ARHGEF10L: variants seen among roughly 807,000 people sequenced by gnomAD.
The protein encoded by ARHGEF10L is Rho guanine nucleotide exchange factor 10 like.
Under a neutral mutation model 141.2 loss-of-function variants are expected in ARHGEF10L, and 69 were observed. The ratio of observed to expected loss-of-function variants is 0.49; its 90% CI spans 0.40 to 0.60. The LOEUF (loss-of-function observed/expected upper bound fraction) is 0.60, where lower values mean the gene tolerates loss of function less well. Among genes scored for constraint, ARHGEF10L ranks in the 20% least tolerant of loss-of-function variants. ARHGEF10L has a pLI of 0.00. For missense variants in ARHGEF10L, 1,482 were observed against 1,734.3 expected (o/e 0.85, Z 2.58); for synonymous variants, 711 against 718.5 (o/e 0.99, Z 0.17).
upstream of ARHGEF10L, among the ~76,000 whole-genome samples, chr1:17,537,680 T>C (rs1442303299): frequency 6.6e-6 from 1 of 151,980 alleles, no homozygotes; most frequent in African/African-American, 2.4e-5. Context: ...AGGGGCATCC[T>C]GAGCTGGAGG....
Position 17,613,102 on chromosome 1 carries a change from T to G in ARHGEF10L, c.654T>G (p.Thr218=). 6.2e-7 allele frequency: 1 copy of G among 1,614,118 alleles called. No individual in the cohort carries two copies. The highest frequency in any genetic ancestry group is 1.1e-5 in the South Asian group (1 of 91,052). The part of the protein sequence containing the change: ...LTRLKERYAR[T]KRDILALRVG... ...GGCTAAAGGAGAGATACGCCAGGAC[T>G]AAGAGAGACATCTTGGCTTTGAGAG... Residue 218 remains threonine (T), a synonymous_variant, in exon 8 of 29, where the codon ACT becomes ACG. Transcript: ENST00000361221.
At position 17,635,004 on chromosome 1, in the gene ARHGEF10L, G is replaced by T; in HGVS notation, c.1915G>T (p.Gly639Trp). The change falls in exon 18 of 29, where the codon GGG (glycine) becomes TGG (tryptophan). Residue 639 changes from glycine (G) to tryptophan (W), a missense_variant. Gly to Trp is a radical substitution (Grantham distance 184). Coordinates refer to ENST00000361221, the MANE Select transcript of ARHGEF10L (RefSeq NM_018125.4). The stretch of plus-strand genomic sequence containing the variant: ...AGGCGCCAAGAAGGCCTCTGCCTCA[G>T]GGCAGGCTCAGAGTGAGTACCCCCT... The part of the protein sequence containing the change: ...HSGAKKASAS[G>W]QAQNKVYLGP... The T allele has an allele frequency of 6.2e-7, 1 of 1,614,038 alleles. No individual in the cohort carries two copies. The highest frequency in any genetic ancestry group is 2.2e-5 in the East Asian group (1 of 44,878).
rs1571226291 is a variant in ARHGEF10L at position 17,646,388 on chromosome 1, C to CTG, written c.2273-2165_2273-2164dup. Among the ~76,000 whole-genome samples the CTG allele has an allele frequency of 3.9e-5, 6 of 152,300 alleles. No homozygotes were observed. The South Asian group carries it at 1.2e-3, about 32-fold the overall frequency. On this transcript the variant is annotated intron_variant, in intron 21 of 28. Coordinates refer to ENST00000361221, the MANE Select transcript of ARHGEF10L (RefSeq NM_018125.4). ...CATGTCGTGGGTACATCTGACAAAC[C>CTG]TGGAAAATGAGGCTCTGAGAAAAGA...
chr1:17,622,852 G>A, intron 11 of ARHGEF10L, 144 bp from the exon 12 acceptor site: 1 of 787,304 alleles, frequency 1.3e-6, no homozygotes, highest in East Asian at 2.7e-5. Context: ...GATCCTTCCG[G>A]AAGGACGCAT....
chr1:17,552,801 C>G (rs1382619948), intron 1 of ARHGEF10L, among the ~76,000 whole-genome samples: 1 of 152,012 alleles, frequency 6.6e-6, no homozygotes, highest in Non-Finnish European at 1.5e-5. Context: ...AGCTAAGGAA[C>G]AGAAAGGGTA....
At chr1:17,685,822 C>T (rs1005388271) in intron 26 of ARHGEF10L, among the ~76,000 whole-genome samples, 1 of 152,242 alleles carries the variant, frequency 6.6e-6, no homozygotes, top group African/African-American at 2.4e-5. Flanking sequence ...AAACTGAGGC[C>T]TGGGCCTGTG....
intron 4 of ARHGEF10L, among the ~76,000 whole-genome samples, chr1:17,590,608 G>A (rs1033916828): frequency 1.3e-5 from 2 of 152,158 alleles, no homozygotes; most frequent in Non-Finnish European, 2.9e-5. Context: ...CAGGCACGGG[G>A]TGAGTGCCAA....
chr1:17,616,253 TC>T, intron 9 of ARHGEF10L, 51 bp downstream of exon 9: 6 of 865,200 alleles, frequency 6.9e-6, no homozygotes, highest in South Asian at 1.3e-5. Context: ...TGACTGGGGG[TC>T]GGGGAGGGTG....
At chr1:17,553,802 AT>A (rs1315807644) in intron 1 of ARHGEF10L, among the ~76,000 whole-genome samples, 3 of 152,174 alleles carry the variant, frequency 2.0e-5, no homozygotes, top group African/African-American at 7.2e-5. Context: ...AAAATAAAAA[AT>A]ATATAGCTTA....
At chr1:17,515,801 C>G in the ARHGEF10L span, among the ~76,000 whole-genome samples, 4 of 152,272 alleles carry the variant, frequency 2.6e-5, no homozygotes, top group African/African-American at 7.2e-5. Context: ...CACCACCATG[C>G]CTGGCTAACT....
In ARHGEF10L at chr1:17,644,594, G is replaced by C. The variant is rs369281928; in HGVS notation, c.2273-3960G>C. On this transcript the variant is annotated intron_variant, in intron 21 of 28. Transcript: ENST00000361221. The surrounding 1 kb of genome is among the most constrained non-coding windows in gnomAD (Gnocchi z 4.5). Reference sequence around the variant, plus strand: ...CCAGCCCAGCCTGACATCTGTGGCTGTGGCCAGCAGCATCTCCATGGTGCT... The same window carrying C: ...CCAGCCCAGCCTGACATCTGTGGCTCTGGCCAGCAGCATCTCCATGGTGCT... 2.0e-5 allele frequency among the ~76,000 whole-genome samples: 3 copies of C among 152,236 alleles called. No homozygotes were observed. Among genetic ancestry groups the C allele is most frequent in the African/African-American group, 4.8e-5 (2 of 41,450 alleles).
intron 26 of ARHGEF10L, among the ~76,000 whole-genome samples, chr1:17,672,567 T>C (rs1363157594): frequency 6.6e-6 from 1 of 152,166 alleles, no homozygotes; most frequent in Non-Finnish European, 1.5e-5. Context: ...CAGTTTGTCT[T>C]AATTTTTTTT....
intron 2 of ARHGEF10L, among the ~76,000 whole-genome samples, chr1:17,584,848 C>T (rs985161114): frequency 3.4e-5 from 5 of 149,238 alleles, no homozygotes; most frequent in African/African-American, 1.3e-4. Context: ...CACATGTGCA[C>T]GTGTGCGTGC....
chr1:17,626,223 AC>A lies in ARHGEF10L; in HGVS notation c.1410+176del, dbSNP rs527767334. Among the ~76,000 whole-genome samples, 342 of 152,186 alleles carry A rather than the reference AC, an allele frequency of 2.2e-3. 2 individuals are homozygous for A. The highest frequency in any genetic ancestry group is 7.9e-3 in the African/African-American group (326 of 41,518). On this transcript the variant is annotated intron_variant, in intron 14 of 28. Coordinates refer to ENST00000361221, the MANE Select transcript of ARHGEF10L (RefSeq NM_018125.4). ...CACTTCTAGAGTGAAATTGATTGTA[AC>A]TGACAGCTCAGTTTGCACGCCCCTC...
chr1:17,522,417 C>A, the ARHGEF10L span, among the ~76,000 whole-genome samples: 43 of 152,214 alleles, frequency 2.8e-4, 1 homozygote, highest in African/African-American at 1.0e-3. Context: ...GGCTCAGAGA[C>A]GTCAGGTGAG....
chr1:17,681,416 G>A lies in ARHGEF10L; in HGVS notation c.3010-6157G>A, dbSNP rs1465123429. Among the ~76,000 whole-genome samples the A allele has an allele frequency of 1.3e-5, 2 of 152,226 alleles. 1 individual carries two copies. Among genetic ancestry groups the A allele is most frequent in the Admixed American group, 1.3e-4 (2 of 15,282 alleles). On this transcript the variant is annotated intron_variant, in intron 26 of 28. Transcript: ENST00000361221. The stretch of plus-strand genomic sequence containing the variant: ...GAGCTACTCCCCCAAATGCCATCCA[G>A]GATCCAGCCTGAAATCACAGGCAGC...
Position 17,640,031 on chromosome 1 carries a change from G to A in ARHGEF10L, c.2172-171G>A, listed in dbSNP as rs560949355. ...GGGCGGAGGGATTCCTCCCCCAGGGGACCGAGGCTTTGCCAAGCCACTGAC... is the reference window on the plus strand; with the variant it reads ...GGGCGGAGGGATTCCTCCCCCAGGGAACCGAGGCTTTGCCAAGCCACTGAC... On this transcript the variant is annotated intron_variant, in intron 20 of 28. Coordinates refer to ENST00000361221, the MANE Select transcript of ARHGEF10L (RefSeq NM_018125.4). 1.9e-5 allele frequency: 28 copies of A among 1,469,668 alleles called. 1 individual carries two copies. In the East Asian group the frequency reaches 2.7e-4, roughly 14 times the overall value. 91.0% of individuals were successfully genotyped at this position (1,469,668 alleles called of 1,614,324 possible). A position where few individuals can be genotyped will look rare whatever the true frequency, so the allele number is the denominator to read the frequency against.
At position 17,539,791 on chromosome 1, in the gene ARHGEF10L, C is replaced by A. The variant is rs1181002416; in HGVS notation, c.-203C>A. On this transcript the variant is annotated 5_prime_UTR_variant, in exon 1 of 29. Transcript: ENST00000361221. The surrounding 1 kb of genome is among the most constrained non-coding windows in gnomAD (Gnocchi z 6.0). ...GGCCCGGACCTCGCGGGCGGGCGGG[C>A]GGCGCGGCCATTGGCTCGGGTGGCG... 1 of 145,586 alleles carries A rather than the reference C, an allele frequency of 6.9e-6. No homozygotes were observed. Among genetic ancestry groups the A allele is most frequent in the Non-Finnish European group, 1.5e-5 (1 of 65,424 alleles). 9.0% of individuals were successfully genotyped at this position (145,586 alleles called of 1,614,324 possible).
chr1:17,673,768 C>T lies in ARHGEF10L; in HGVS notation c.3009+9173C>T, dbSNP rs959630008. Among the ~76,000 whole-genome samples, 7 of 152,144 alleles carry T rather than the reference C, an allele frequency of 4.6e-5. No individual in the cohort carries two copies. Among genetic ancestry groups the T allele is most frequent in the Non-Finnish European group, 7.4e-5 (5 of 68,020 alleles). On this transcript the variant is annotated intron_variant, in intron 26 of 28. Coordinates refer to ENST00000361221, the MANE Select transcript of ARHGEF10L (RefSeq NM_018125.4). This position sits in a 1 kb window ranked among gnomAD's most constrained non-coding sequence, Gnocchi z 4.1. ...GCCTTCCCACTGATGGCCTCAGTTT[C>T]CTTCCTGTAAAATGGGGGATAATTA...
Sources: gnomAD v4.1 joint callset for allele counts (sites outside exome capture counted in the v4.1 genomes callset) on GRCh38, gnomAD v4.1.1 for gene constraint, Gnocchi (gnomAD v3.1) non-coding constraint, MANE v1.5 for transcripts, NCBI Gene and HGNC (gene_info 2026-07-23, HGNC 2026-07-21) for gene names.